TUSC3: variants seen among roughly 807,000 people sequenced by gnomAD.
The protein encoded by TUSC3 is tumor suppressor candidate 3.
A neutral mutation model predicts 44.8 loss-of-function variants in TUSC3; 45 were observed. The ratio of observed to expected loss-of-function variants is 1.00; its 90% CI spans 0.79 to 1.29. The LOEUF (loss-of-function observed/expected upper bound fraction) is 1.29. Among genes scored for constraint, TUSC3 ranks in the 50% most tolerant of loss-of-function variants. The pLI is 0.00. For missense variants in TUSC3, 519 were observed against 437.9 expected (o/e 1.19, Z -1.65); for synonymous variants, 212 against 152.9 (o/e 1.39, Z -2.85).
chr8:15,450,747 C>G (rs1800187451), intron 1 of TUSC3, among the ~76,000 whole-genome samples: 2 of 152,114 alleles, frequency 1.3e-5, no homozygotes, highest in Admixed American at 6.6e-5. Context: ...CACAGAAGTT[C>G]TACTAATCAG....
intron 6 of TUSC3, among the ~76,000 whole-genome samples, chr8:15,704,780 T>C (rs1809550133): frequency 6.6e-6 from 1 of 152,092 alleles, no homozygotes. Context: ...TGCTCCTATA[T>C]TGACCCTGAC....
At chr8:15,807,321 A>C in the TUSC3 span, 2 of 442,586 alleles carry the variant, frequency 4.5e-6, no homozygotes, top group Non-Finnish European at 8.3e-6. Flanking sequence ...AAAGTCAAAA[A>C]TCATCAACAA....
intron 6 of TUSC3, among the ~76,000 whole-genome samples, chr8:15,722,216 G>C (rs1019401089): frequency 2.6e-5 from 4 of 151,066 alleles, no homozygotes; most frequent in African/African-American, 9.7e-5. Context: ...GTCTGCTTAG[G>C]GTTTCCTTAG....
intron 1 of TUSC3, among the ~76,000 whole-genome samples, chr8:15,446,587 C>A (rs556172357): frequency 6.6e-6 from 1 of 151,808 alleles, no homozygotes; most frequent in Non-Finnish European, 1.5e-5. Context: ...ACGAGTCAGG[C>A]GTGGCGGCGG....
At chr8:15,435,730 G>A (rs28512229) in intron 1 of TUSC3, among the ~76,000 whole-genome samples, 24,703 of 152,100 alleles carry the variant, frequency 0.16, 2,079 homozygotes, top group Middle Eastern at 0.22. Flanking sequence ...TGAGAAATAA[G>A]GATTTTTAAG....
chr8:15,759,803 T>G (rs1032295739), intron 10 of TUSC3, among the ~76,000 whole-genome samples: 8 of 152,124 alleles, frequency 5.3e-5, no homozygotes, highest in Non-Finnish European at 1.0e-4. Flanking sequence ...AATACCACAT[T>G]AACAGTTCAC....
At chr8:15,784,852 C>A in the TUSC3 span, among the ~76,000 whole-genome samples, 1 of 151,944 alleles carries the variant, frequency 6.6e-6, no homozygotes, top group African/African-American at 2.4e-5. Flanking sequence ...CAACTACAGT[C>A]AATAACAATG....
At chr8:15,815,346 T>A in the TUSC3 span, among the ~76,000 whole-genome samples, 2 of 152,176 alleles carry the variant, frequency 1.3e-5, no homozygotes, top group South Asian at 2.1e-4. Context: ...TAGTAGGAAA[T>A]CAGCATCCTG....
At chr8:15,815,237 C>T in the TUSC3 span, among the ~76,000 whole-genome samples, 1 of 151,838 alleles carries the variant, frequency 6.6e-6, no homozygotes, top group Non-Finnish European at 1.5e-5. Flanking sequence ...GATAGATAGA[C>T]TATTAATAGA....
intron 1 of TUSC3, among the ~76,000 whole-genome samples, chr8:15,456,702 A>G (rs1438259746): frequency 1.3e-5 from 2 of 152,194 alleles, no homozygotes; most frequent in African/African-American, 4.8e-5. Flanking sequence ...ATGGATAAAG[A>G]CAAAATCAGA....
intron 1 of TUSC3, among the ~76,000 whole-genome samples, chr8:15,449,308 T>G (rs548140915): frequency 6.6e-6 from 1 of 152,294 alleles, no homozygotes; most frequent in South Asian, 2.1e-4. Flanking sequence ...TTTTCTTCGG[T>G]CTCATGTTCA....
chr8:15,829,313 A>G, the TUSC3 span, among the ~76,000 whole-genome samples: 1 of 152,220 alleles, frequency 6.6e-6, no homozygotes, highest in Non-Finnish European at 1.5e-5. Flanking sequence ...TGAAAGTGCC[A>G]GACTGCGATT....
At chr8:15,578,810 C>G (rs1369047274) in intron 1 of TUSC3, among the ~76,000 whole-genome samples, 2 of 152,084 alleles carry the variant, frequency 1.3e-5, no homozygotes, top group African/African-American at 4.8e-5. Context: ...GCTTTGGTAT[C>G]AGAATGATGC....
the TUSC3 span, among the ~76,000 whole-genome samples, chr8:15,816,566 C>A: frequency 2.0e-5 from 3 of 152,172 alleles, no homozygotes; most frequent in Admixed American, 2.0e-4. Context: ...AATTTCTGGA[C>A]TTTATTGGGT....
chr8:15,533,414 G>A (rs902528054), intron 2 of TUSC3, among the ~76,000 whole-genome samples: 3 of 152,164 alleles, frequency 2.0e-5, no homozygotes, highest in African/African-American at 7.2e-5. Flanking sequence ...GGTGAACAGA[G>A]GGATGACTTT....
chr8:15,673,910 G>C (rs1217175319), intron 6 of TUSC3, 74 bp downstream of exon 6: 6 of 1,265,078 alleles, frequency 4.7e-6, no homozygotes, highest in African/African-American at 1.5e-5. Context: ...ATTATGTTTA[G>C]TATTTAGTAG....
At chr8:15,589,589 G>A (rs1462078667) in intron 1 of TUSC3, among the ~76,000 whole-genome samples, 4 of 151,910 alleles carry the variant, frequency 2.6e-5, no homozygotes, top group Admixed American at 6.6e-5. Flanking sequence ...CTGCCACATT[G>A]GAATTTATAA....
the TUSC3 span, among the ~76,000 whole-genome samples, chr8:15,817,308 T>C: frequency 6.6e-6 from 1 of 151,750 alleles, no homozygotes; most frequent in Non-Finnish European, 1.5e-5. Flanking sequence ...CCTTAGAACT[T>C]TGATTTCTGA....
At chr8:15,834,435 G>C in the TUSC3 span, among the ~76,000 whole-genome samples, 432 of 152,172 alleles carry the variant, frequency 2.8e-3, 11 homozygotes, top group East Asian at 0.076. Flanking sequence ...TTCTGCCTCC[G>C]TGGGAAGGTG....
Sources: allele counts gnomAD v4.1 joint callset (sites outside exome capture counted in the v4.1 genomes callset), GRCh38; gene constraint gnomAD v4.1.1; transcripts MANE v1.5; gene names NCBI Gene and HGNC (gene_info 2026-07-23, HGNC 2026-07-21).